Variants in THOC7 observed in about 807,000 individuals in gnomAD.
THOC7 encodes THO complex subunit 7.
THOC7 carries 22 observed loss-of-function variants against 33.1 expected under a neutral mutation model. The observed-to-expected ratio is 0.66, with a 90% CI of 0.47 to 0.95. The LOEUF is 0.95. Ranked by LOEUF, THOC7 falls within the 40% of genes least tolerant of loss-of-function variation. The pLI is 0.00. For missense variants in THOC7, 184 were observed against 245.3 expected, an observed-to-expected ratio of 0.75 and a Z score of 1.67; for synonymous variants, 77 against 76.8, an observed-to-expected ratio of 1.00 and a Z score of -0.01.
At chr3:63,842,714 A>G (rs77633829) in intron 1 of THOC7, among the ~76,000 whole-genome samples, 2,134 of 152,034 alleles carry the variant, frequency 0.014, 46 homozygotes, top group East Asian at 0.081. Flanking sequence ...AGGCTGGGAG[A>G]GGGGTGAGGG....
At chr3:63,857,692 A>G (rs1432556033) in intron 1 of THOC7, among the ~76,000 whole-genome samples, 2 of 152,262 alleles carry the variant, frequency 1.3e-5, no homozygotes, top group Non-Finnish European at 2.9e-5. Flanking sequence ...CTCCATGTAG[A>G]TATTAACCTC....
At chr3:63,834,290 G>A in intron 7 of THOC7, 91 bp from the exon 8 acceptor site, 2 of 1,262,976 alleles carry the variant, frequency 1.6e-6, no homozygotes, top group Admixed American at 3.8e-5. Context: ...TCCTTTATTA[G>A]CCAATACAAT....
intron 2 of THOC7, among the ~76,000 whole-genome samples, chr3:63,839,233 T>C (rs1466295007): frequency 1.3e-5 from 2 of 152,012 alleles, no homozygotes; most frequent in South Asian, 2.1e-4. Context: ...GTGTATCAGG[T>C]TGGTACAAAA....
chr3:63,853,733 C>T (rs1000898147), intron 1 of THOC7, among the ~76,000 whole-genome samples: 1 of 152,184 alleles, frequency 6.6e-6, no homozygotes, highest in Middle Eastern at 3.4e-3. Flanking sequence ...GCGGTGAAAC[C>T]CTGTCTGTAC....
intron 2 of THOC7, among the ~76,000 whole-genome samples, chr3:63,839,162 C>A (rs1354861169): frequency 6.6e-6 from 1 of 152,048 alleles, no homozygotes; most frequent in African/African-American, 2.4e-5. Context: ...TGCACTCCAG[C>A]CTGAACAACA....
chr3:63,862,181 A>G (rs1331440869), intron 1 of THOC7, among the ~76,000 whole-genome samples: 1 of 152,358 alleles, frequency 6.6e-6, no homozygotes, highest in Middle Eastern at 3.4e-3. Flanking sequence ...TCTCTGGCTC[A>G]TAACTTTCTA....
upstream of THOC7, chr3:63,863,841 T>TTGGCGGCGGC (rs1366645607): frequency 2.5e-6 from 3 of 1,210,392 alleles, no homozygotes; most frequent in Admixed American, 4.7e-5. Context: ...GAGGCGGCGG[T>TTGGCGGCGGC]TGGCGGCGGC....
Position 63,835,310 on chromosome 3 carries a change from A to G in THOC7, c.477+14T>C. ...GATAGACAGATCATGAAGGCTAAAT[A>G]TATATGCGAATACCTTATCTTCAAC... On this transcript the variant is annotated intron_variant, in intron 6 of 7. Transcript: ENST00000295899. The G allele has an allele frequency of 2.5e-6, 4 of 1,613,480 alleles. No individual in the cohort carries two copies. Among genetic ancestry groups the G allele is most frequent in the Non-Finnish European group, 3.4e-6 (4 of 1,179,646 alleles).
At chr3:63,843,000 C>A (rs566436442) in intron 1 of THOC7, among the ~76,000 whole-genome samples, 37 of 152,044 alleles carry the variant, frequency 2.4e-4, no homozygotes, top group African/African-American at 7.7e-4. Flanking sequence ...GCTGCCCAGG[C>A]TGGTCTCAAA....
chr3:63,845,112 G>A, intron 1 of THOC7: 1 of 685,890 alleles, frequency 1.5e-6, no homozygotes, highest in South Asian at 1.5e-5. Flanking sequence ...CTGGGGGTGG[G>A]GGGTACTATC....
At chr3:63,861,930 T>C (rs910527971) in intron 1 of THOC7, 2 of 152,210 alleles carry the variant, frequency 1.3e-5, no homozygotes, top group African/African-American at 2.4e-5. Context: ...GTCCTGGGAC[T>C]ACAGGTGTGT....
intron 1 of THOC7, among the ~76,000 whole-genome samples, chr3:63,856,249 A>T (rs990172134): frequency 6.6e-6 from 1 of 152,036 alleles, no homozygotes; most frequent in Non-Finnish European, 1.5e-5. Flanking sequence ...GGCTGGGAAG[A>T]GCTGTGGGGT....
chr3:63,836,378 T>A lies in THOC7; in HGVS notation c.353-20A>T. Reference sequence around the variant, plus strand: ...CATATTCTGTAAGACATAAAAATATTTATCAAACTAAGGATTTTTTGAATG... The same window carrying A: ...CATATTCTGTAAGACATAAAAATATATATCAAACTAAGGATTTTTTGAATG... On this transcript the variant is annotated intron_variant, in intron 4 of 7. Transcript: ENST00000295899. 1.2e-6 allele frequency: 2 copies of A among 1,609,732 alleles called. No homozygotes were observed. The highest frequency in any genetic ancestry group is 1.7e-6 in the Non-Finnish European group (2 of 1,177,528).
chr3:63,862,982 C>T (rs183296337), intron 1 of THOC7, among the ~76,000 whole-genome samples: 52 of 152,234 alleles, frequency 3.4e-4, no homozygotes, highest in African/African-American at 1.1e-3. Flanking sequence ...TCCTAACACA[C>T]ACACATACAT....
chr3:63,835,846 G>C (rs370364396), intron 5 of THOC7, among the ~76,000 whole-genome samples: 1 of 151,916 alleles, frequency 6.6e-6, no homozygotes, highest in African/African-American at 2.4e-5. Flanking sequence ...GCATATACTT[G>C]TATCCCTGAA....
intron 1 of THOC7, among the ~76,000 whole-genome samples, chr3:63,849,372 A>T (rs1701976126): frequency 6.6e-6 from 1 of 152,084 alleles, no homozygotes; most frequent in Admixed American, 6.6e-5. Flanking sequence ...TGGGTGACAG[A>T]GTAAGACACC....
At chr3:63,845,835 T>C (rs1228873215) in intron 1 of THOC7, among the ~76,000 whole-genome samples, 1 of 152,212 alleles carries the variant, frequency 6.6e-6, no homozygotes, top group African/African-American at 2.4e-5. Flanking sequence ...ATAAGGTTTC[T>C]GGTTCTGGAA....
Position 63,839,564 on chromosome 3 carries a change from G to A in THOC7, c.137+92C>T, listed in dbSNP as rs868611333. On this transcript the variant is annotated intron_variant, in intron 2 of 7. Coordinates refer to ENST00000295899, the MANE Select transcript of THOC7 (RefSeq NM_025075.4). ...GTTGACTCCACTGTACATTTAAGGT[G>A]AGTGAAAATTTGATCTACTCACAGG... 6.8e-6 allele frequency: 7 copies of A among 1,035,206 alleles called. No individual in the cohort carries two copies. The African/African-American group carries it at 8.0e-5, about 12-fold the overall frequency. The allele number at this position is 1,035,206 out of a possible 1,614,324, so 64.1% of individuals were successfully genotyped here.
At chr3:63,854,403 C>G (rs1217763763) in intron 1 of THOC7, among the ~76,000 whole-genome samples, 1 of 152,162 alleles carries the variant, frequency 6.6e-6, no homozygotes, top group Non-Finnish European at 1.5e-5. Flanking sequence ...AATTATCATG[C>G]TTGAAACCCT....
Sources: gnomAD v4.1 joint callset for allele counts (sites outside exome capture counted in the v4.1 genomes callset) on GRCh38, gnomAD v4.1.1 for gene constraint, MANE v1.5 for transcripts, NCBI Gene and HGNC (gene_info 2026-07-23, HGNC 2026-07-21) for gene names.